C4orf51: variants seen among roughly 807,000 people sequenced by gnomAD.
C4orf51 encodes the protein uncharacterized protein C4orf51.
A neutral mutation model predicts 25.2 loss-of-function variants in C4orf51; 25 were observed. The ratio of observed to expected loss-of-function variants is 0.99; its 90% CI spans 0.72 to 1.39. The LOEUF (loss-of-function observed/expected upper bound fraction) is 1.39, where lower values mean the gene tolerates loss of function less well. Among genes scored for constraint, C4orf51 ranks in the 40% most tolerant of loss-of-function variants. The probability of loss-of-function intolerance (pLI) is 0.00; values close to 1 mark genes in which losing one functional copy is unlikely to be tolerated. For missense variants in C4orf51, 252 were observed against 239.6 expected (o/e 1.05, Z -0.34); for synonymous variants, 100 against 84.5 (o/e 1.18, Z -1.01).
At chr4:145,753,938 G>A (rs915807286) in intron 1 of C4orf51, among the ~76,000 whole-genome samples, 1 of 152,226 alleles carries the variant, frequency 6.6e-6, no homozygotes, top group Non-Finnish European at 1.5e-5. Flanking sequence ...AGAAGGCTTT[G>A]CCTGCCTCTT....
chr4:145,736,381 C>T (rs780731178), downstream of C4orf51, among the ~76,000 whole-genome samples: 3 of 152,016 alleles, frequency 2.0e-5, no homozygotes, highest in Non-Finnish European at 4.4e-5. Context: ...CACAGGCCCT[C>T]AGATCTGTCA....
At chr4:145,767,388 G>C (rs1276893718) in intron 1 of C4orf51, among the ~76,000 whole-genome samples, 1 of 152,180 alleles carries the variant, frequency 6.6e-6, no homozygotes, top group Non-Finnish European at 1.5e-5. Context: ...TGAACTGTGG[G>C]ATGCCTTTGG....
chr4:145,765,497 T>C lies in C4orf51; in HGVS notation n.167-5491T>C. 2 of 1,553,058 alleles carry C rather than the reference T, an allele frequency of 1.3e-6. No homozygotes were observed. The highest frequency in any genetic ancestry group is 1.7e-6 in the Non-Finnish European group (2 of 1,151,162). ...TGCAGGGCTTATTCTCAAGAATGGG[T>C]CATCCTGGGTGCGGAGGGTTGAGCA... is the stretch of plus-strand genomic sequence containing the variant. On this transcript the variant is annotated intron_variant and non_coding_transcript_variant, in intron 1 of 1. Coordinates refer to the C4orf51 transcript ENST00000510096. The surrounding 1 kb of genome is among the most constrained non-coding windows in gnomAD (Gnocchi z 4.7).
chr4:145,716,224 C>T (rs974810595), intron 2 of C4orf51, among the ~76,000 whole-genome samples: 11 of 152,112 alleles, frequency 7.2e-5, no homozygotes, highest in African/African-American at 2.7e-4. Context: ...TGCAGGTAGA[C>T]CTTTCTCATG....
intron 1 of C4orf51, among the ~76,000 whole-genome samples, chr4:145,741,925 TC>T (rs1016249013): frequency 4.6e-5 from 7 of 152,170 alleles, no homozygotes; most frequent in African/African-American, 1.7e-4. Context: ...GGTCTCAAAC[TC>T]CTGACTTCAA....
At chr4:145,694,043 A>C (rs1729838280) in intron 1 of C4orf51, among the ~76,000 whole-genome samples, 1 of 137,560 alleles carries the variant, frequency 7.3e-6, no homozygotes, top group Non-Finnish European at 1.6e-5. Context: ...GGCCGGGCAG[A>C]GACGCTCCTC....
downstream of C4orf51, chr4:145,775,836 G>C (rs753581272): frequency 6.2e-7 from 1 of 1,614,168 alleles, no homozygotes; most frequent in Admixed American, 1.7e-5. Context: ...CAGAGGTGAC[G>C]GCGCTGACAA....
the C4orf51 span, chr4:145,779,627 CAA>C: frequency 2.2e-6 from 3 of 1,386,860 alleles, no homozygotes; most frequent in South Asian, 2.9e-5. Context: ...CTAGTAATTG[CAA>C]ATGAGTCTCC....
chr4:145,684,555 C>T (rs970019101), intron 1 of C4orf51, among the ~76,000 whole-genome samples: 2 of 152,152 alleles, frequency 1.3e-5, no homozygotes, highest in Non-Finnish European at 2.9e-5. Context: ...AATGAGATAA[C>T]ATTACGCACC....
intron 2 of C4orf51, 136 bp from the exon 3 acceptor site, chr4:145,726,775 C>T (rs960197321): frequency 7.4e-6 from 5 of 679,626 alleles, no homozygotes; most frequent in African/African-American, 3.6e-5. Context: ...TCTTATGTAA[C>T]TATAATTTTT....
intron 2 of C4orf51, among the ~76,000 whole-genome samples, chr4:145,712,642 C>T (rs1440338423): frequency 6.6e-6 from 1 of 152,218 alleles, no homozygotes; most frequent in Admixed American, 6.5e-5. Context: ...ATCTCCATTA[C>T]ATAAAAGTGC....
At chr4:145,787,543 A>C in the C4orf51 span, among the ~76,000 whole-genome samples, 1 of 151,442 alleles carries the variant, frequency 6.6e-6, no homozygotes, top group South Asian at 2.1e-4. Context: ...TTCTTTTTAG[A>C]TGTAAGAGTT....
intron 5 of C4orf51, among the ~76,000 whole-genome samples, chr4:145,732,215 T>A (rs2126776493): frequency 6.6e-6 from 1 of 152,284 alleles, no homozygotes; most frequent in South Asian, 2.1e-4. Flanking sequence ...TGGGGGCCGG[T>A]TAGGGATTGC....
In C4orf51 at chr4:145,689,536, A is replaced by G. The variant is rs537298126; in HGVS notation, c.234-7023A>G. Among the ~76,000 whole-genome samples the G allele has an allele frequency of 1.1e-4, 17 of 152,322 alleles. No individual in the cohort carries two copies. The South Asian group carries it at 3.5e-3, about 32-fold the overall frequency. The stretch of plus-strand genomic sequence containing the variant: ...ATTAAATCAATAAACCAAGATATCC[A>G]AATAACCGATAAACATACCAAAGGT... On this transcript the variant is annotated intron_variant, in intron 1 of 5. Transcript: ENST00000438731.
intron 4 of C4orf51, 67 bp downstream of exon 4, chr4:145,729,296 G>GTTTTTTTTT: frequency 3.0e-6 from 1 of 331,182 alleles, no homozygotes; most frequent in Non-Finnish European, 4.8e-6. Flanking sequence ...GTGGTCATGT[G>GTTTTTTTTT]ATTTTTTTTT....
At chr4:145,733,718 C>T (rs185516562), downstream of C4orf51, among the ~76,000 whole-genome samples, 5 of 152,292 alleles carry the variant, frequency 3.3e-5, no homozygotes, top group South Asian at 2.1e-4. Context: ...ATACATTCCC[C>T]GGGAGCCATC....
chr4:145,763,976 G>C lies in C4orf51; in HGVS notation n.167-7012G>C, dbSNP rs1436084382. On this transcript the variant is annotated intron_variant and non_coding_transcript_variant, in intron 1 of 1. Coordinates refer to the C4orf51 transcript ENST00000510096. The surrounding 1 kb of genome is among the most constrained non-coding windows in gnomAD (Gnocchi z 4.6). The stretch of plus-strand genomic sequence containing the variant: ...GGCCTGGGGGGACCCAACCTGCACT[G>C]ACCCCAACACTCCACTCCCAGGGTC... Among the ~76,000 whole-genome samples, 3 of 151,976 alleles carry C rather than the reference G, an allele frequency of 2.0e-5. No homozygotes were observed. The highest frequency in any genetic ancestry group is 7.3e-5 in the African/African-American group (3 of 41,348).
intron 4 of C4orf51, 135 bp from the exon 5 acceptor site, chr4:145,729,757 G>A: frequency 3.0e-6 from 2 of 663,168 alleles, no homozygotes; most frequent in South Asian, 1.8e-5. Flanking sequence ...CATGCTGGTG[G>A]CAGAGGAGGG....
chr4:145,778,749 T>C, the C4orf51 span, among the ~76,000 whole-genome samples: 1 of 152,252 alleles, frequency 6.6e-6, no homozygotes, highest in Non-Finnish European at 1.5e-5. Flanking sequence ...AAATAAGATA[T>C]ATCTGGATTA....
Sources: allele counts gnomAD v4.1 joint callset (sites outside exome capture counted in the v4.1 genomes callset), GRCh38; gene constraint gnomAD v4.1.1; non-coding constraint Gnocchi (gnomAD v3.1); transcripts MANE v1.5; gene names NCBI Gene and HGNC (gene_info 2026-07-23, HGNC 2026-07-21).